The following GRID1 variants were observed in gnomAD, a reference collection of about 807,000 sequenced individuals.
The protein encoded by GRID1 is glutamate receptor ionotropic, delta-1.
Under a neutral mutation model 98.0 loss-of-function variants are expected in GRID1, and 28 were observed. The ratio of observed to expected loss-of-function variants is 0.29; its 90% CI spans 0.21 to 0.39. The LOEUF (loss-of-function observed/expected upper bound fraction) is 0.39. Among genes scored for constraint, GRID1 ranks in the 10% least tolerant of loss-of-function variants. GRID1 has a pLI of 1.00. For missense variants in GRID1, 1,111 were observed against 1,340.5 expected, an observed-to-expected ratio of 0.83 and a Z score of 2.67; for synonymous variants, 553 against 538.5, an observed-to-expected ratio of 1.03 and a Z score of -0.37.
chr10:86,039,552 T>C (rs933476714), intron 4 of GRID1, among the ~76,000 whole-genome samples: 1 of 152,162 alleles, frequency 6.6e-6, no homozygotes, highest in Admixed American at 6.5e-5. Context: ...AAGAGAAAGG[T>C]TTTACCTGCT....
chr10:85,759,169 C>A (rs1842124917), intron 8 of GRID1, among the ~76,000 whole-genome samples: 1 of 152,194 alleles, frequency 6.6e-6, no homozygotes, highest in South Asian at 2.1e-4. Context: ...TCCCATGAAG[C>A]AAAGTGATGA....
At chr10:85,936,795 T>C (rs893696385) in intron 4 of GRID1, among the ~76,000 whole-genome samples, 2 of 152,256 alleles carry the variant, frequency 1.3e-5, no homozygotes, top group African/African-American at 4.8e-5. Context: ...AATTAAAAAG[T>C]ATTTGGCTAA....
rs1843720341 is a variant in GRID1 at position 86,066,360 on chromosome 10, C to T, written c.726+72459G>A. On this transcript the variant is annotated intron_variant, in intron 4 of 15. Coordinates refer to ENST00000327946, the MANE Select transcript of GRID1 (RefSeq NM_017551.3). Reference sequence around the variant, plus strand: ...GAGTGATAATAAGAACTGTTACTGACAGTTGAGCAGCTAATATGTGTCTAG... The same window carrying T: ...GAGTGATAATAAGAACTGTTACTGATAGTTGAGCAGCTAATATGTGTCTAG... 2.0e-5 allele frequency among the ~76,000 whole-genome samples: 3 copies of T among 152,168 alleles called. 1 individual carries two copies. The South Asian group carries it at 6.2e-4, about 31-fold the overall frequency.
At chr10:85,681,686 A>G (rs1841210679) in intron 12 of GRID1, among the ~76,000 whole-genome samples, 2 of 152,124 alleles carry the variant, frequency 1.3e-5, no homozygotes, top group African/African-American at 2.4e-5. Context: ...TATTCCCTCC[A>G]CACCACCTTC....
chr10:86,150,386 C>T (rs1845148059), intron 3 of GRID1, among the ~76,000 whole-genome samples: 1 of 152,220 alleles, frequency 6.6e-6, no homozygotes, highest in African/African-American at 2.4e-5. Context: ...AGTTGAGCTC[C>T]TCCTTCAGAA....
intron 8 of GRID1, among the ~76,000 whole-genome samples, chr10:85,744,336 G>T (rs947410891): frequency 6.6e-6 from 1 of 152,112 alleles, no homozygotes; most frequent in Non-Finnish European, 1.5e-5. Flanking sequence ...TATCTAATGT[G>T]GTCAACAACT....
chr10:86,283,306 G>A (rs1847381588), intron 2 of GRID1, among the ~76,000 whole-genome samples: 1 of 152,188 alleles, frequency 6.6e-6, no homozygotes, highest in South Asian at 2.1e-4. Flanking sequence ...GTTGGGGAGG[G>A]GGAAGGGAGG....
chr10:85,834,983 A>T (rs1261027899), intron 8 of GRID1, among the ~76,000 whole-genome samples: 1 of 152,200 alleles, frequency 6.6e-6, no homozygotes, highest in Admixed American at 6.5e-5. Context: ...ATGGTGGGTT[A>T]ATGTCAAAAA....
At chr10:86,083,177 C>A (rs970300726) in intron 4 of GRID1, among the ~76,000 whole-genome samples, 2 of 152,210 alleles carry the variant, frequency 1.3e-5, no homozygotes, top group Non-Finnish European at 2.9e-5. Context: ...GCAGCATTTT[C>A]TTCTCCCCTT....
chr10:85,667,794 A>G (rs1270556483), intron 12 of GRID1, among the ~76,000 whole-genome samples: 2 of 152,184 alleles, frequency 1.3e-5, no homozygotes, highest in Non-Finnish European at 2.9e-5. Flanking sequence ...CGTGTATATC[A>G]TTGCTTTAAA....
At chr10:86,038,604 A>T (rs995987409) in intron 4 of GRID1, among the ~76,000 whole-genome samples, 1 of 152,242 alleles carries the variant, frequency 6.6e-6, no homozygotes, top group Non-Finnish European at 1.5e-5. Flanking sequence ...CTGGAAGTCC[A>T]GGGATCAAGC....
intron 4 of GRID1, among the ~76,000 whole-genome samples, chr10:85,983,295 G>C (rs1842568329): frequency 6.6e-6 from 1 of 152,192 alleles, no homozygotes; most frequent in African/African-American, 2.4e-5. Context: ...GAAAAGCTGG[G>C]GGAGCCACTC....
At chr10:86,104,264 G>A (rs1844346002) in intron 4 of GRID1, among the ~76,000 whole-genome samples, 1 of 152,148 alleles carries the variant, frequency 6.6e-6, no homozygotes, top group Non-Finnish European at 1.5e-5. Flanking sequence ...GGGTGCAGTT[G>A]GGACCCCAGA....
At chr10:86,312,739 G>GCAC (rs1180659315) in intron 2 of GRID1, among the ~76,000 whole-genome samples, 1 of 152,242 alleles carries the variant, frequency 6.6e-6, no homozygotes, top group Non-Finnish European at 1.5e-5. Flanking sequence ...GCTGTGACCT[G>GCAC]CACCACCCCA....
chr10:85,873,615 C>T (rs1843300019), intron 5 of GRID1, among the ~76,000 whole-genome samples: 1 of 152,178 alleles, frequency 6.6e-6, no homozygotes, highest in South Asian at 2.1e-4. Context: ...TTACTCCTTC[C>T]TCCTCACAGA....
At chr10:85,865,971 A>ATACATATATATG (rs1564613351) in intron 6 of GRID1, among the ~76,000 whole-genome samples, 11 of 107,694 alleles carry the variant, frequency 1.0e-4, no homozygotes, top group Admixed American at 3.5e-4. Context: ...AGAGAGAGAG[A>ATACATATATATG]GAGAGAGAGA....
chr10:85,657,899 CATGGG>C (rs927882871), intron 12 of GRID1, among the ~76,000 whole-genome samples: 1 of 152,188 alleles, frequency 6.6e-6, no homozygotes, highest in Non-Finnish European at 1.5e-5. Flanking sequence ...CCTGCCATTC[CATGGG>C]AGTCCTGCCA....
At chr10:86,270,821 G>A (rs1450593641) in intron 2 of GRID1, among the ~76,000 whole-genome samples, 1 of 152,104 alleles carries the variant, frequency 6.6e-6, no homozygotes, top group African/African-American at 2.4e-5. Flanking sequence ...AATATATGGA[G>A]CAATGGTTTT....
chr10:85,977,139 T>C (rs573657049), intron 4 of GRID1, among the ~76,000 whole-genome samples: 1 of 152,360 alleles, frequency 6.6e-6, no homozygotes, highest in East Asian at 1.9e-4. Flanking sequence ...CCCTCTGCTA[T>C]AAATGTGATT....
Sources: gnomAD v4.1 joint callset for allele counts (sites outside exome capture counted in the v4.1 genomes callset) on GRCh38, gnomAD v4.1.1 for gene constraint, MANE v1.5 for transcripts, NCBI Gene and HGNC (gene_info 2026-07-23, HGNC 2026-07-21) for gene names.